JCHAIN: variants seen among roughly 807,000 people sequenced by gnomAD.
JCHAIN encodes joining chain of multimeric IgA and IgM.
Under a neutral mutation model 11.1 loss-of-function variants are expected in JCHAIN, and 5 were observed. The ratio of observed to expected loss-of-function variants is 0.45; its 90% CI spans 0.24 to 0.95. JCHAIN has a LOEUF of 0.95. Among genes scored for constraint, JCHAIN ranks in the 40% least tolerant of loss-of-function variants. The pLI is 0.21. For missense variants in JCHAIN, 165 were observed against 192.7 expected, an observed-to-expected ratio of 0.86 and a Z score of 0.85; for synonymous variants, 51 against 67.8, an observed-to-expected ratio of 0.75 and a Z score of 1.22.
At chr4:70,656,577 A>C in intron 3 of JCHAIN, 38 bp from the exon 4 acceptor site, 1 of 1,465,186 alleles carries the variant, frequency 6.8e-7, no homozygotes, top group Non-Finnish European at 9.5e-7. Flanking sequence ...ATCCCCTCAA[A>C]TGCTGTCTCA....
rs1395794628 is a variant in JCHAIN at position 70,656,554 on chromosome 4, T to A, written c.270-15A>T. 1 of 1,585,266 alleles carries A rather than the reference T, an allele frequency of 6.3e-7. No individual in the cohort carries two copies. Among genetic ancestry groups the A allele is most frequent in the Middle Eastern group, 2.2e-4 (1 of 4,594 alleles). On this transcript the variant is annotated splice_polypyrimidine_tract_variant and intron_variant, in intron 3 of 3. Transcript: ENST00000254801. ...ATTTTTTACAGCTGAAAAGCAAATA[T>A]ATGTATTAGACAATCCCCTCAAATG... is the stretch of plus-strand genomic sequence containing the variant.
Position 70,666,303 on chromosome 4 carries a change from A to G in JCHAIN, c.64+124T>C, listed in dbSNP as rs1296351745. 7.9e-6 allele frequency: 5 copies of G among 634,360 alleles called. No homozygotes were observed. The Admixed American group carries it at 1.2e-4, about 15-fold the overall frequency. The allele number at this position is 634,360 out of a possible 1,614,324, so 39.3% of individuals were successfully genotyped here. ...ACAACTGCCATAGAAAGATGAAAGC[A>G]TGTTAGGAAAAAGTAGCTGGCTAAC... On this transcript the variant is annotated intron_variant, in intron 1 of 3. Transcript: ENST00000254801.
intron 2 of JCHAIN, among the ~76,000 whole-genome samples, chr4:70,657,976 C>A (rs73824826): frequency 0.04 from 6,067 of 152,102 alleles, 411 homozygotes; most frequent in African/African-American, 0.13. Flanking sequence ...TTAACTTTAA[C>A]ATTTTTTTCA....
chr4:70,665,644 T>C (rs1008691091), intron 1 of JCHAIN, among the ~76,000 whole-genome samples: 5 of 151,952 alleles, frequency 3.3e-5, no homozygotes, highest in Admixed American at 3.3e-4. Context: ...TATGTATATA[T>C]ACTTACATTG....
In JCHAIN at chr4:70,655,704, T is replaced by C. The variant is rs1490889480; in HGVS notation, c.*625A>G. 6.6e-6 allele frequency: 1 copy of C among 152,150 alleles called. No individual in the cohort carries two copies. The highest frequency in any genetic ancestry group is 1.9e-4 in the East Asian group (1 of 5,198). The allele number at this position is 152,150 out of a possible 1,614,324, so 9.4% of individuals were successfully genotyped here. A position where few individuals can be genotyped will look rare whatever the true frequency, so the allele number is the denominator to read the frequency against. On this transcript the variant is annotated 3_prime_UTR_variant, in exon 4 of 4. Coordinates refer to ENST00000254801, the MANE Select transcript of JCHAIN (RefSeq NM_144646.4). Reference sequence around the variant, plus strand: ...GAAGTCTGTATCATCTGCTTCCAAGTCTGTTATGTCCAAATATATTTTAAT... The same window carrying C: ...GAAGTCTGTATCATCTGCTTCCAAGCCTGTTATGTCCAAATATATTTTAAT...
chr4:70,662,199 C>G lies in JCHAIN; in HGVS notation c.81G>C (p.Arg27Ser). Residue 27 changes from arginine to serine, a missense_variant, in exon 2 of 4, where the codon AGG becomes AGC. Transcript: ENST00000254801. Reference protein sequence around the residue: ...AVHVKAQEDERIVLVDNKCKC... With the variant: ...AVHVKAQEDESIVLVDNKCKC... Reference sequence around the variant, plus strand: ...TACATTTGTTGTCAACAAGAACAATCCTTTCATCTTCTTGGGCTTGAAAGG... The same window carrying G: ...TACATTTGTTGTCAACAAGAACAATGCTTTCATCTTCTTGGGCTTGAAAGG... 1 of 1,613,238 alleles carries G rather than the reference C, an allele frequency of 6.2e-7. No homozygotes were observed. Among genetic ancestry groups the G allele is most frequent in the Non-Finnish European group, 8.5e-7 (1 of 1,179,376 alleles).
At position 70,656,005 on chromosome 4, in the gene JCHAIN, G is replaced by T. The variant is rs7697213; in HGVS notation, c.*324C>A. ...ATTTTATTACACCTCCTGATTTTCAGTCCTTGAGTTTTATTTTCTCCCCTT... is the reference window on the plus strand; with the variant it reads ...ATTTTATTACACCTCCTGATTTTCATTCCTTGAGTTTTATTTTCTCCCCTT... On this transcript the variant is annotated 3_prime_UTR_variant, in exon 4 of 4. Coordinates refer to ENST00000254801, the MANE Select transcript of JCHAIN (RefSeq NM_144646.4). 2.7e-4 allele frequency: 47 copies of T among 172,548 alleles called. No individual in the cohort carries two copies. The highest frequency in any genetic ancestry group is 1.0e-3 in the African/African-American group (43 of 42,000). 10.7% of individuals were successfully genotyped at this position (172,548 alleles called of 1,614,324 possible).
At chr4:70,664,336 A>T (rs1458700304) in intron 1 of JCHAIN, among the ~76,000 whole-genome samples, 1 of 152,160 alleles carries the variant, frequency 6.6e-6, no homozygotes, top group African/African-American at 2.4e-5. Flanking sequence ...CCTCAACTAA[A>T]AAAAAAACAT....
intron 1 of JCHAIN, among the ~76,000 whole-genome samples, chr4:70,666,101 A>G (rs1739147670): frequency 6.6e-6 from 1 of 152,204 alleles, no homozygotes; most frequent in Non-Finnish European, 1.5e-5. Context: ...TCATTTCTCC[A>G]GAATATTAAT....
At position 70,659,379 on chromosome 4, in the gene JCHAIN, G is replaced by T. The variant is rs1739011446; in HGVS notation, c.189-2088C>A. 3.3e-5 allele frequency among the ~76,000 whole-genome samples: 5 copies of T among 150,802 alleles called. No homozygotes were observed. In the South Asian group the frequency reaches 1.1e-3, roughly 32 times the overall value. On this transcript the variant is annotated intron_variant, in intron 2 of 3. Coordinates refer to ENST00000254801, the MANE Select transcript of JCHAIN (RefSeq NM_144646.4). ...AGCTTGGCCAACATGATGAAACCTT[G>T]TCTCTACTAAAAATACAAAAATTAG...
At chr4:70,665,817 AT>A in intron 1 of JCHAIN, 1 of 245,194 alleles carries the variant, frequency 4.1e-6, no homozygotes, top group Admixed American at 4.5e-5. Context: ...ATCCAGACAA[AT>A]TTTAGTGTGT....
Position 70,666,468 on chromosome 4 carries a change from C to A in JCHAIN, c.23G>T (p.Trp8Leu). ...CTTAATAAAAACCGCCAGGACTCCC[C>A]AGAAAAGCAAATGGTTCTTCATCTT... MKNHLLF[W>L]GVLAVFIKAV... is the part of the protein sequence containing the mutation. The change falls in exon 1 of 4, where the codon TGG (tryptophan) becomes TTG (leucine). Residue 8 changes from tryptophan (W) to leucine (L), a missense_variant. Coordinates refer to ENST00000254801, the MANE Select transcript of JCHAIN (RefSeq NM_144646.4). The A allele has an allele frequency of 6.2e-7, 1 of 1,613,292 alleles. No individual in the cohort carries two copies.
intron 2 of JCHAIN, 76 bp downstream of exon 2, chr4:70,662,016 A>G: frequency 7.2e-7 from 1 of 1,387,972 alleles, no homozygotes; most frequent in South Asian, 1.2e-5. Context: ...GGCAGGTGTT[A>G]CATTCAAACA....
In JCHAIN at chr4:70,655,993, TC is replaced by T. The variant is rs145709768; in HGVS notation, c.*335del. The T allele has an allele frequency of 0.019, 3,129 of 166,150 alleles. 108 individuals are homozygous for T. Among genetic ancestry groups the T allele is most frequent in the African/African-American group, 0.073 (3,019 of 41,506 alleles). 10.3% of individuals were successfully genotyped at this position (166,150 alleles called of 1,614,324 possible). On this transcript the variant is annotated 3_prime_UTR_variant, in exon 4 of 4. Coordinates refer to ENST00000254801, the MANE Select transcript of JCHAIN (RefSeq NM_144646.4). ...AATGCGAGGAACATTTTATTACACCTCCTGATTTTCAGTCCTTGAGTTTTAT... is the reference window on the plus strand; with the variant it reads ...AATGCGAGGAACATTTTATTACACCTCTGATTTTCAGTCCTTGAGTTTTAT...
intron 2 of JCHAIN, 131 bp from the exon 3 acceptor site, chr4:70,657,422 G>A (rs113277284): frequency 3.3e-5 from 14 of 418,250 alleles, no homozygotes; most frequent in African/African-American, 2.6e-4. Context: ...GCACTCTAGA[G>A]TAATACCGTT....
Position 70,662,187 on chromosome 4 carries a change from A to G in JCHAIN, c.93T>C (p.Val31=), listed in dbSNP as rs752382585. The G allele has an allele frequency of 2.3e-5, 37 of 1,613,606 alleles. 1 individual carries two copies. The Admixed American group carries it at 4.7e-4, about 20-fold the overall frequency. ...KAQEDERIVL[V]DNKCKCARIT... ...TCCGGGCACACTTACATTTGTTGTC[A>G]ACAAGAACAATCCTTTCATCTTCTT... Residue 31 remains valine (V), a synonymous_variant, in exon 2 of 4, where the codon GTT becomes GTC. Transcript: ENST00000254801.
intron 1 of JCHAIN, chr4:70,663,250 G>T: frequency 6.6e-6 from 1 of 152,174 alleles, no homozygotes; most frequent in Admixed American, 6.5e-5. Context: ...GAGTGCAGTG[G>T]CACGATCTCA....
chr4:70,656,162 C>T lies in JCHAIN; in HGVS notation c.*167G>A, dbSNP rs1011353308. On this transcript the variant is annotated 3_prime_UTR_variant, in exon 4 of 4. Transcript: ENST00000254801. ...AGAAGTGATTACCTAATAAAGATAA[C>T]AATGTGACTATTTTAATTATTTTGG... The T allele has an allele frequency of 5.0e-6, 3 of 599,938 alleles. No individual in the cohort carries two copies. The African/African-American group carries it at 5.7e-5, about 11-fold the overall frequency. The allele number at this position is 599,938 out of a possible 1,614,324, so 37.2% of individuals were successfully genotyped here.
intron 2 of JCHAIN, 35 bp downstream of exon 2, chr4:70,662,057 G>A: frequency 6.2e-7 from 1 of 1,606,574 alleles, no homozygotes; most frequent in Non-Finnish European, 8.5e-7. Flanking sequence ...TCTCTGCTTA[G>A]AACAGGAAAA....
Sources: allele counts gnomAD v4.1 joint callset (sites outside exome capture counted in the v4.1 genomes callset), GRCh38; gene constraint gnomAD v4.1.1; transcripts MANE v1.5; gene names NCBI Gene and HGNC (gene_info 2026-07-23, HGNC 2026-07-21).